Variants in GET1 observed in about 807,000 individuals in gnomAD.
The protein encoded by GET1 is congenital heart disease 5 protein.
GET1 carries 20 observed loss-of-function variants against 22.6 expected under a neutral mutation model. That is an observed-to-expected ratio of 0.89 (90% CI 0.62 to 1.29). The LOEUF (loss-of-function observed/expected upper bound fraction) is 1.29, where lower values mean the gene tolerates loss of function less well. Among genes scored for constraint, GET1 ranks in the 50% most tolerant of loss-of-function variants. The pLI is 0.00. For missense variants in GET1, 209 were observed against 219.9 expected, an observed-to-expected ratio of 0.95 and a Z score of 0.31; for synonymous variants, 92 against 83.8, an observed-to-expected ratio of 1.10 and a Z score of -0.53.
intron 1 of GET1, among the ~76,000 whole-genome samples, chr21:39,412,044 T>G (rs189473954): frequency 6.6e-6 from 1 of 152,336 alleles, no homozygotes; most frequent in East Asian, 1.9e-4. Context: ...CAGGTCAGCT[T>G]GTCCACTGTT....
chr21:39,406,021 G>A (rs1339584399), exon 5 of GET1: 1 of 1,614,214 alleles, frequency 6.2e-7, no homozygotes, highest in Non-Finnish European at 8.5e-7. Flanking sequence ...ACTTTGCAAA[G>A]GCTCCTCTGA....
At chr21:39,407,355 T>C (rs1315804289), downstream of GET1, among the ~76,000 whole-genome samples, 1 of 152,172 alleles carries the variant, frequency 6.6e-6, no homozygotes, top group Non-Finnish European at 1.5e-5. Flanking sequence ...ATTGGAATGT[T>C]TGGTCCCCGC....
At chr21:39,401,296 C>T (rs1347760432), downstream of GET1, among the ~76,000 whole-genome samples, 1 of 152,114 alleles carries the variant, frequency 6.6e-6, no homozygotes, top group Non-Finnish European at 1.5e-5. Context: ...TGATCTTCTG[C>T]CTCAGCTTCC....
downstream of GET1, among the ~76,000 whole-genome samples, chr21:39,409,464 G>A (rs1365492481): frequency 6.6e-6 from 1 of 152,150 alleles, no homozygotes; most frequent in African/African-American, 2.4e-5. The surrounding 1 kb of genome is among the most constrained non-coding windows in gnomAD (Gnocchi z 4.2). Flanking sequence ...GGTTTCTGGT[G>A]GGCAGGGCGA....
chr21:39,392,012 A>G (rs1601624616), intron 3 of GET1, 176 bp downstream of exon 3: 4 of 600,476 alleles, frequency 6.7e-6, no homozygotes, highest in Non-Finnish European at 1.2e-5. Context: ...ACTAAAAGGA[A>G]GCCTTTCTCT....
intron 4 of GET1, among the ~76,000 whole-genome samples, chr21:39,403,670 A>G (rs187101484): frequency 0.045 from 6,624 of 147,072 alleles, 448 homozygotes; most frequent in African/African-American, 0.16. Context: ...CGCCCAGGCT[A>G]GAGTGCAGTG....
rs765594400 is a variant in GET1 at position 39,393,172 on chromosome 21, C to T, written c.343C>T (p.Leu115=). 3 of 1,614,122 alleles carry T rather than the reference C, an allele frequency of 1.9e-6. No homozygotes were observed. The African/African-American group carries it at 4.0e-5, about 22-fold the overall frequency. The change falls in exon 4 of 5, where the codon CTG becomes TTG. Residue 115 remains leucine (L), a synonymous_variant. Transcript: ENST00000649170. The part of the protein sequence containing the change: ...SVAFYVLQAA[L]MISLIWKYYS... ...ACCAGAGGTGTCTTTACAGGCTGCCCTGATGATCTCACTCATTTGGAAGTA... is the reference window on the plus strand; with the variant it reads ...ACCAGAGGTGTCTTTACAGGCTGCCTTGATGATCTCACTCATTTGGAAGTA...
At chr21:39,416,803 G>GT (rs977165040) in intron 1 of GET1, among the ~76,000 whole-genome samples, 18 of 152,096 alleles carry the variant, frequency 1.2e-4, no homozygotes, top group Non-Finnish European at 2.4e-4. Flanking sequence ...ACTAAACAGT[G>GT]TAAGATTTTT....
At position 39,390,686 on chromosome 21, in the gene GET1, C is replaced by A. The variant is rs746395072; in HGVS notation, c.103-12C>A. On this transcript the variant is annotated splice_polypyrimidine_tract_variant and intron_variant, in intron 1 of 4. Transcript: ENST00000649170. Reference sequence around the variant, plus strand: ...GTTGGAAGGTGCTGATCCCCGTTGTCCGCCCTGCCAGATGTCCAGGGTGCT... The same window carrying A: ...GTTGGAAGGTGCTGATCCCCGTTGTACGCCCTGCCAGATGTCCAGGGTGCT... The A allele has an allele frequency of 7.4e-6, 12 of 1,613,806 alleles. No individual in the cohort carries two copies. The African/African-American group carries it at 9.3e-5, about 13-fold the overall frequency.
At chr21:39,404,521 G>T (rs1365657771) in intron 4 of GET1, among the ~76,000 whole-genome samples, 1 of 152,142 alleles carries the variant, frequency 6.6e-6, no homozygotes, top group Non-Finnish European at 1.5e-5. Context: ...GAGGTGGGCA[G>T]ATCACCTGAG....
chr21:39,406,599 T>C (rs1286385918), exon 5 of GET1: 1 of 1,579,238 alleles, frequency 6.3e-7, no homozygotes, highest in African/African-American at 1.4e-5. Flanking sequence ...AATGTTTCTC[T>C]TCCCCTGATA....
chr21:39,384,896 T>C (rs954067335), intron 1 of GET1, among the ~76,000 whole-genome samples: 4 of 152,176 alleles, frequency 2.6e-5, no homozygotes, highest in African/African-American at 9.7e-5. Context: ...TTAACACTTG[T>C]TGTTAGCCAG....
At position 39,419,523 on chromosome 21, in the gene GET1, C is replaced by CAA. The variant is rs5843964; in HGVS notation, c.*23+8597_*23+8598dup. Reference sequence around the variant, plus strand: ...CTGGGCAACAGAGCAAGACCCTGTTCAAAAAAAAAAAAGAAAAAAGAAAAA... The same window carrying CAA: ...CTGGGCAACAGAGCAAGACCCTGTTCAAAAAAAAAAAAAAGAAAAAAGAAAAA... On this transcript the variant is annotated intron_variant, in intron 1 of 1. Transcript: ENST00000478273. Among the ~76,000 whole-genome samples, 470 of 123,464 alleles carry CAA rather than the reference C, an allele frequency of 3.8e-3. 7 individuals are homozygous for CAA. Among genetic ancestry groups the CAA allele is most frequent in the African/African-American group, 9.8e-3 (275 of 28,082 alleles). The allele number at this position is 123,464 out of a possible 152,430, so 81.0% of individuals were successfully genotyped here. A position where few individuals can be genotyped will look rare whatever the true frequency, so the allele number is the denominator to read the frequency against.
At chr21:39,386,849 C>CTTT (rs11389229) in intron 1 of GET1, among the ~76,000 whole-genome samples, 1 of 148,320 alleles carries the variant, frequency 6.7e-6, no homozygotes, top group Non-Finnish European at 1.5e-5. Flanking sequence ...TACTTTAAAA[C>CTTT]TTTTTTTTTT....
chr21:39,410,057 A>C (rs201928535), downstream of GET1: 8 of 1,611,076 alleles, frequency 5.0e-6, no homozygotes, highest in Admixed American at 1.0e-4. Flanking sequence ...ATTTCAGTTG[A>C]TTTTTCTTTA....
chr21:39,391,032 G>T, intron 2 of GET1, 169 bp downstream of exon 2: 1 of 656,320 alleles, frequency 1.5e-6, no homozygotes, highest in Non-Finnish European at 2.4e-6. Flanking sequence ...CCTCTTATTT[G>T]CTGGTGAACC....
downstream of GET1, among the ~76,000 whole-genome samples, chr21:39,407,109 C>G (rs2039199593): frequency 6.6e-6 from 1 of 152,150 alleles, no homozygotes; most frequent in African/African-American, 2.4e-5. Context: ...TGCCTGTAGT[C>G]TTGGCTACTC....
intron 2 of GET1, chr21:39,391,369 A>G (rs1038760344): frequency 1.1e-5 from 3 of 263,350 alleles, no homozygotes; most frequent in African/African-American, 4.7e-5. Context: ...CTCTGTGGCT[A>G]GGAAAACAGA....
chr21:39,405,190 C>T (rs1423355759), intron 4 of GET1, among the ~76,000 whole-genome samples: 2 of 151,848 alleles, frequency 1.3e-5, no homozygotes, highest in East Asian at 1.9e-4. Flanking sequence ...TTCAAAGCTG[C>T]TGCCACATTT....
Sources: allele counts gnomAD v4.1 joint callset (sites outside exome capture counted in the v4.1 genomes callset), GRCh38; gene constraint gnomAD v4.1.1; non-coding constraint Gnocchi (gnomAD v3.1); transcripts MANE v1.5; gene names NCBI Gene and HGNC (gene_info 2026-07-23, HGNC 2026-07-21).